The following AMZ2 variants were observed in gnomAD, a reference collection of about 807,000 sequenced individuals.
AMZ2 encodes archaemetzincin-2.
Under a neutral mutation model 36.7 loss-of-function variants are expected in AMZ2, and 26 were observed. The ratio of observed to expected loss-of-function variants is 0.71; its 90% CI spans 0.52 to 0.98. The LOEUF (loss-of-function observed/expected upper bound fraction) is 0.98. AMZ2 is among the 50% of genes least tolerant of loss of function. AMZ2 has a pLI of 0.00. For missense variants in AMZ2, 394 were observed against 430.5 expected (o/e 0.92, Z 0.75); for synonymous variants, 144 against 149.1 (o/e 0.97, Z 0.25).
chr17:68,250,367 C>A lies in AMZ2; in HGVS notation c.180C>A (p.Ile60=). ...CCTTGCATTCTCCATCAGATTGGAT[C>A]ACCTCCCACCCTGAGGCTCCCCAAG... ...PITLHSPSDW[I]TSHPEAPQDF... is the part of the protein sequence containing the mutation. The change falls in exon 2 of 7, where the codon ATC becomes ATA. Residue 60 remains isoleucine (I), a synonymous_variant. Coordinates refer to ENST00000359904, the MANE Select transcript of AMZ2 (RefSeq NM_016627.5). 1 of 1,614,198 alleles carries A rather than the reference C, an allele frequency of 6.2e-7. No individual in the cohort carries two copies. Among genetic ancestry groups the A allele is most frequent in the Non-Finnish European group, 8.5e-7 (1 of 1,180,046 alleles).
intron 5 of AMZ2, 76 bp downstream of exon 5, chr17:68,254,643 C>T (rs1474172574): frequency 1.2e-5 from 15 of 1,263,956 alleles, no homozygotes; most frequent in Admixed American, 4.9e-5. Flanking sequence ...ATTGTCAGTC[C>T]GTAAGGTAAT....
intron 1 of AMZ2, among the ~76,000 whole-genome samples, chr17:68,234,428 T>A (rs2073738908): frequency 6.8e-6 from 1 of 147,634 alleles, no homozygotes. Context: ...TGACCTTGTC[T>A]CAAAAAAAAA....
At chr17:68,242,719 A>C (rs1555734316) in intron 1 of AMZ2, among the ~76,000 whole-genome samples, 35 of 152,070 alleles carry the variant, frequency 2.3e-4, no homozygotes. Flanking sequence ...AACCAAGCAC[A>C]TATTTTTAAA....
At chr17:68,211,910 A>C (rs1236713424) in intron 1 of AMZ2, among the ~76,000 whole-genome samples, 4 of 150,584 alleles carry the variant, frequency 2.7e-5, no homozygotes, top group Admixed American at 1.3e-4. Context: ...TTTTTTAATC[A>C]GTTCCCTTTG....
At chr17:68,214,293 C>T (rs1304106639) in intron 1 of AMZ2, among the ~76,000 whole-genome samples, 3 of 152,090 alleles carry the variant, frequency 2.0e-5, no homozygotes, top group African/African-American at 7.2e-5. Context: ...GGTCTGTCCT[C>T]GAGAGTAAGC....
intron 1 of AMZ2, among the ~76,000 whole-genome samples, chr17:68,211,740 G>A (rs12947073): frequency 0.013 from 1,632 of 124,208 alleles, 53 homozygotes; most frequent in African/African-American, 0.053. Context: ...GTATATATGT[G>A]TATATGTATA....
intron 1 of AMZ2, among the ~76,000 whole-genome samples, chr17:68,228,716 G>T (rs1431056761): frequency 1.3e-5 from 2 of 152,248 alleles, no homozygotes; most frequent in African/African-American, 4.8e-5. Context: ...GCTAGGGGCT[G>T]GGGAGCCCAA....
At chr17:68,207,010 A>T (rs1555724550) in intron 1 of AMZ2, 1 of 152,268 alleles carries the variant, frequency 6.6e-6, no homozygotes, top group Non-Finnish European at 1.5e-5. Context: ...AAACCGCAGG[A>T]ACGCGCATCT....
intron 1 of AMZ2, among the ~76,000 whole-genome samples, chr17:68,232,495 C>CAAAAAA (rs139890887): frequency 9.4e-6 from 1 of 106,902 alleles, no homozygotes; most frequent in Non-Finnish European, 2.0e-5. Context: ...GACCCTATCT[C>CAAAAAA]AAAAAAAAAA....
chr17:68,238,482 A>T (rs1264008876), intron 1 of AMZ2, among the ~76,000 whole-genome samples: 1 of 152,114 alleles, frequency 6.6e-6, no homozygotes, highest in African/African-American at 2.4e-5. Flanking sequence ...TAAGGTAAAA[A>T]CCAAAATCTG....
chr17:68,228,838 C>T (rs2073583327), intron 1 of AMZ2, among the ~76,000 whole-genome samples: 1 of 152,264 alleles, frequency 6.6e-6, no homozygotes, highest in Non-Finnish European at 1.5e-5. Flanking sequence ...CCACCACTGC[C>T]TCAAGCAGCC....
intron 1 of AMZ2, among the ~76,000 whole-genome samples, chr17:68,209,581 G>GT (rs2072955587): frequency 1.9e-5 from 2 of 106,934 alleles, no homozygotes; most frequent in Non-Finnish European, 1.9e-5. Flanking sequence ...AATAATTGTG[G>GT]GTGTGTGTGT....
At chr17:68,240,811 CTGTT>C (rs2073886181) in intron 1 of AMZ2, among the ~76,000 whole-genome samples, 1 of 152,186 alleles carries the variant, frequency 6.6e-6, no homozygotes, top group Non-Finnish European at 1.5e-5. Context: ...CTGGAGCAAA[CTGTT>C]TATAATACTG....
intron 1 of AMZ2, 170 bp from the exon 2 acceptor site, chr17:68,250,018 A>C: frequency 3.0e-6 from 2 of 663,782 alleles, no homozygotes; most frequent in Non-Finnish European, 5.0e-6. Context: ...AATTTCTTAG[A>C]TCTCCAAGAA....
At chr17:68,212,268 A>G (rs1254997254) in intron 1 of AMZ2, among the ~76,000 whole-genome samples, 1 of 152,218 alleles carries the variant, frequency 6.6e-6, no homozygotes, top group Non-Finnish European at 1.5e-5. Flanking sequence ...GCTACTTGAG[A>G]AGCTGAGGCA....
chr17:68,224,497 C>A (rs1186937530), intron 1 of AMZ2, among the ~76,000 whole-genome samples: 7 of 151,582 alleles, frequency 4.6e-5, no homozygotes, highest in Non-Finnish European at 8.8e-5. Flanking sequence ...ACATCAAATG[C>A]AGAAACTGCT....
intron 1 of AMZ2, chr17:68,206,352 C>A (rs1306217943): frequency 1.3e-4 from 147 of 1,097,288 alleles, no homozygotes; most frequent in Non-Finnish European, 1.6e-4. Flanking sequence ...CCGCCTCCCC[C>A]CCAAACAGAG....
chr17:68,244,450 C>T (rs1165906725), upstream of AMZ2, among the ~76,000 whole-genome samples: 5 of 152,114 alleles, frequency 3.3e-5, no homozygotes, highest in Non-Finnish European at 7.4e-5. Context: ...CCATGACCCA[C>T]TAATTTTTGT....
intron 1 of AMZ2, among the ~76,000 whole-genome samples, chr17:68,236,957 C>T (rs1280995516): frequency 6.6e-6 from 1 of 152,108 alleles, no homozygotes; most frequent in Admixed American, 6.6e-5. Context: ...CTGCTTGGGA[C>T]TTTTTAAAAC....
Sources: allele counts gnomAD v4.1 joint callset (sites outside exome capture counted in the v4.1 genomes callset), GRCh38; gene constraint gnomAD v4.1.1; transcripts MANE v1.5; gene names NCBI Gene and HGNC (gene_info 2026-07-23, HGNC 2026-07-21).